Variants in TTN observed in about 807,000 individuals in gnomAD.
TTN encodes connectin.
A neutral mutation model predicts 3,223.0 loss-of-function variants in TTN; 1,525 were observed. That is an observed-to-expected ratio of 0.47 (90% confidence interval 0.45 to 0.49). The LOEUF (loss-of-function observed/expected upper bound fraction) is 0.49, where lower values mean the gene tolerates loss of function less well. TTN is among the 20% of genes least tolerant of loss of function. The probability of loss-of-function intolerance (pLI) is 0.00; values close to 1 mark genes in which losing one functional copy is unlikely to be tolerated. For synonymous variants in TTN, 14,094 were observed against 15,161.0 expected (o/e 0.93, Z 5.17); for missense variants, 40,786 against 43,424.0 (o/e 0.94, Z 5.40).
At chr2:178,768,593 C>T in intron 38 of TTN, 80 bp downstream of exon 38, 1 of 1,591,964 alleles carries the variant, frequency 6.3e-7, no homozygotes, top group Non-Finnish European at 8.6e-7. Context: ...TTTTATTTAT[C>T]CATTCATTAA....
intron 149 of TTN, 51 bp from the exon 150 acceptor site, chr2:178,675,164 G>A: frequency 2.4e-6 from 3 of 1,258,100 alleles, no homozygotes; most frequent in Admixed American, 2.5e-5. Context: ...AACCAAAGAA[G>A]AATAAAGACC....
intron 311 of TTN, 88 bp downstream of exon 311, chr2:178,584,188 C>G: frequency 7.0e-7 from 1 of 1,432,202 alleles, no homozygotes. Context: ...CTCTCTGTGT[C>G]TTGGAGTCCA....
intron 331 of TTN, 56 bp downstream of exon 331, chr2:178,554,809 A>G (rs1700730601): frequency 6.2e-7 from 1 of 1,611,944 alleles, no homozygotes; most frequent in African/African-American, 1.3e-5. Flanking sequence ...TACTTGTTCA[A>G]AATTACTAAG....
In TTN at chr2:178,577,457, C is replaced by T; in HGVS notation, c.68878G>A (p.Ala22960Thr). ...PTIKDGLTIK[A>T]GDTIVLNAIS... ...GCATTCAAAACAATGGTATCCCCTGCTTTAATTGTTAGCCCATCTTTTATT... is the reference window on the plus strand; with the variant it reads ...GCATTCAAAACAATGGTATCCCCTGTTTTAATTGTTAGCCCATCTTTTATT... Residue 22960 changes from alanine to threonine, a missense_variant, in exon 324 of 363, where the codon GCA becomes ACA. Transcript: ENST00000589042. The T allele has an allele frequency of 6.2e-7, 1 of 1,601,600 alleles. No individual in the cohort carries two copies. The highest frequency in any genetic ancestry group is 8.5e-7 in the Non-Finnish European group (1 of 1,171,838).
chr2:178,563,040 T>C lies in TTN; in HGVS notation c.83092A>G (p.Thr27698Ala). ...TCGGGTTCTGGTCGACCTTTGATAG[T>C]GACAAATAAGCGTAAAGTAGCACTT... ...RASATLRLFV[T>A]IKGRPEPEVK... The change falls in exon 326 of 363, where the codon ACT becomes GCT. Residue 27698 changes from threonine (T) to alanine (A), a missense_variant. Physicochemically the swap from Thr to Ala is moderately conservative, Grantham distance 58. Transcript: ENST00000589042. The surrounding 1 kb of genome is among the most constrained non-coding windows in gnomAD (Gnocchi z 4.5). The C allele has an allele frequency of 6.2e-7, 1 of 1,613,644 alleles. No homozygotes were observed. The highest frequency in any genetic ancestry group is 8.5e-7 in the Non-Finnish European group (1 of 1,179,686).
chr2:178,694,535 A>T, intron 117 of TTN, 64 bp downstream of exon 117: 3 of 1,210,304 alleles, frequency 2.5e-6, no homozygotes, highest in South Asian at 1.5e-5. Context: ...CAATATATGT[A>T]CACATGTCCA....
At chr2:178,527,393 A>T in intron 362 of TTN, 53 bp downstream of exon 362, 1 of 1,589,816 alleles carries the variant, frequency 6.3e-7, no homozygotes. Flanking sequence ...TGTACTAAAG[A>T]CTACACCATG....
In TTN at chr2:178,782,990, C is replaced by G; in HGVS notation, c.2916G>C (p.Pro972=). The G allele has an allele frequency of 6.2e-7, 1 of 1,614,106 alleles. No homozygotes were observed. The highest frequency in any genetic ancestry group is 2.2e-5 in the East Asian group (1 of 44,878). ...LECHISGYPS[P]TVTWYREDYQ... is the part of the protein sequence containing the mutation. Reference sequence around the variant, plus strand: ...AGTCTTCCCTGTACCATGTCACTGTCGGGGATGGGTATCCAGAGATGTGGC... The same window carrying G: ...AGTCTTCCCTGTACCATGTCACTGTGGGGGATGGGTATCCAGAGATGTGGC... Residue 972 remains proline (P), a synonymous_variant, in exon 18 of 363, where the codon CCG becomes CCC. Transcript: ENST00000589042.
At position 178,634,729 on chromosome 2, in the gene TTN, C is replaced by A. The variant is rs1206523368; in HGVS notation, c.42145G>T (p.Val14049Leu). The part of the protein sequence containing the change: ...LNAITTAILT[V>L]KEIELDFAVP... ...AATTCTAAAAGCCCCATACCTTTTA[C>A]TGTCAAAATGGCAGTTGTAATTGCA... is the stretch of plus-strand genomic sequence containing the variant. Residue 14049 changes from valine (V) to leucine (L), a missense_variant, in exon 229 of 363, where the codon GTA (valine) becomes TTA (leucine). Val to Leu is a conservative substitution (Grantham distance 32, BLOSUM62 1). Transcript: ENST00000589042. The surrounding 1 kb of genome is among the most constrained non-coding windows in gnomAD (Gnocchi z 4.6). The A allele has an allele frequency of 6.2e-7, 1 of 1,613,114 alleles. No individual in the cohort carries two copies. The highest frequency in any genetic ancestry group is 1.3e-5 in the African/African-American group (1 of 74,974).
At position 178,532,332 on chromosome 2, in the gene TTN, C is replaced by A. The variant is rs1689489588; in HGVS notation, c.104283G>T (p.Arg34761=). ...AQAAYRQPKQ[R]QRIMAEREDE... is the part of the protein sequence containing the mutation. ...CCTCCCTCTCAGCCATGATTCTTTG[C>A]CGTTGCTTTGGCTGTCTGTACGCAG... The change falls in exon 358 of 363, where the codon CGG becomes CGT. Residue 34761 remains arginine (R), a synonymous_variant. Coordinates refer to ENST00000589042, the MANE Select transcript of TTN (RefSeq NM_001267550.2). 6.2e-7 allele frequency: 1 copy of A among 1,613,888 alleles called. No homozygotes were observed. The highest frequency in any genetic ancestry group is 8.5e-7 in the Non-Finnish European group (1 of 1,179,886).
intron 92 of TTN, 164 bp downstream of exon 92, chr2:178,713,733 G>A (rs1214046117): frequency 3.1e-6 from 3 of 977,540 alleles, no homozygotes; most frequent in Non-Finnish European, 4.4e-6. Flanking sequence ...TTTTGAACAT[G>A]GTTTTCTTCT....
chr2:178,563,541 C>A lies in TTN; in HGVS notation c.82591G>T (p.Val27531Leu), dbSNP rs1190495036. Residue 27531 changes from valine (V) to leucine (L), a missense_variant, in exon 326 of 363, where the codon GTA becomes TTA. Physicochemically the swap from Val to Leu is conservative, Grantham distance 32. Coordinates refer to ENST00000589042, the MANE Select transcript of TTN (RefSeq NM_001267550.2). This position sits in a 1 kb window ranked among gnomAD's most constrained non-coding sequence, Gnocchi z 4.5. ...GAATGGCCTTCGGTAAGACCAGTTA[C>A]CCTGAGCCGCAGATCCGTTAATGTT... is the stretch of plus-strand genomic sequence containing the variant. ...KKTLTDLRLR[V>L]TGLTEGHSYE... 1.2e-6 allele frequency: 2 copies of A among 1,613,668 alleles called. No individual in the cohort carries two copies. Among genetic ancestry groups the A allele is most frequent in the Admixed American group, 3.3e-5 (2 of 59,986 alleles).
In TTN at chr2:178,528,807, A is replaced by T; in HGVS notation, c.106944T>A (p.Ser35648=). 1 of 1,613,796 alleles carries T rather than the reference A, an allele frequency of 6.2e-7. No individual in the cohort carries two copies. Among genetic ancestry groups the T allele is most frequent in the Admixed American group, 1.7e-5 (1 of 60,012 alleles). Residue 35648 remains serine (S), a synonymous_variant, in exon 360 of 363, where the codon TCT becomes TCA. Transcript: ENST00000589042. ...WVLNGVELTN[S]EEYRYGVSGS... is the part of the protein sequence containing the mutation. ...CTGAGACACCATATCGGTACTCCTCAGAGTTGGTAAGCTCTACGCCATTCA... is the reference window on the plus strand; with the variant it reads ...CTGAGACACCATATCGGTACTCCTCTGAGTTGGTAAGCTCTACGCCATTCA...
At chr2:178,618,925 T>A in intron 250 of TTN, 72 bp from the exon 251 acceptor site, 1 of 1,535,796 alleles carries the variant, frequency 6.5e-7, no homozygotes, top group Non-Finnish European at 8.7e-7. Flanking sequence ...TTATTATGCA[T>A]TTATTAGAAA....
rs547896195 is a variant in TTN, at chr2:178,669,662, G to T, written c.35400C>A (p.Pro11800=). 2 of 1,612,122 alleles carry T rather than the reference G, an allele frequency of 1.2e-6. No individual in the cohort carries two copies. The highest frequency in any genetic ancestry group is 8.5e-7 in the Non-Finnish European group (1 of 1,179,504). Reference sequence around the variant, plus strand: ...CTTTTTCTTCTGGGACAATTTTCTTGGGTACTTCGGGTGCTTTAAAGATAT... The same window carrying T: ...CTTTTTCTTCTGGGACAATTTTCTTTGGTACTTCGGGTGCTTTAAAGATAT... The part of the protein sequence containing the change: ...RVPPTKAPEV[P]KKIVPEEKVR... The change falls in exon 158 of 363, where the codon CCC becomes CCA. Residue 11800 remains proline, a synonymous_variant. Coordinates refer to ENST00000589042, the MANE Select transcript of TTN (RefSeq NM_001267550.2).
Position 178,745,750 on chromosome 2 carries a change from A to G in TTN, c.11312-3829T>C, listed in dbSNP as rs16866488. On this transcript the variant is annotated intron_variant, in intron 47 of 362. Coordinates refer to ENST00000589042, the MANE Select transcript of TTN (RefSeq NM_001267550.2). ...ACCTTCTTCCTTGGACTAATTTTCC[A>G]TCTTTGTACCAGTAAACCGTGGGTC... 1.7e-3 allele frequency: 2,726 copies of G among 1,612,774 alleles called. 48 individuals are homozygous for G. The African/African-American group carries it at 0.032, about 19-fold the overall frequency.
At position 178,706,525 on chromosome 2, in the gene TTN, A is replaced by C. The variant is rs1183091830; in HGVS notation, c.29349T>G (p.Asn9783Lys). Residue 9783 changes from asparagine to lysine, a missense_variant, in exon 102 of 363, where the codon AAT becomes AAG. Asn to Lys is a moderately conservative substitution (Grantham distance 94). Transcript: ENST00000589042. ...TCCTTTCATCCACCTGTAAGTTAAC[A>C]TTACTTTCAATTTCACCATGTTCGT... ...AFNEHGEIES[N>K]VNLQVDERKK... 6.2e-6 allele frequency: 10 copies of C among 1,613,726 alleles called. No individual in the cohort carries two copies. The highest frequency in any genetic ancestry group is 7.6e-6 in the Non-Finnish European group (9 of 1,179,838).
At chr2:178,651,190 C>T (rs1449490592) in intron 208 of TTN, 53 bp downstream of exon 208, 31 of 1,446,532 alleles carry the variant, frequency 2.1e-5, no homozygotes, top group Non-Finnish European at 2.7e-5. Context: ...TAATAGGTGA[C>T]TTATTAGACA....
chr2:178,681,792 C>T, intron 135 of TTN, 54 bp from the exon 136 acceptor site: 2 of 1,423,954 alleles, frequency 1.4e-6, no homozygotes, highest in Non-Finnish European at 1.9e-6. Context: ...TAAGTTTAAA[C>T]ATTTCTTAAA....
Sources: allele counts gnomAD v4.1 joint callset, GRCh38; gene constraint gnomAD v4.1.1; non-coding constraint Gnocchi (gnomAD v3.1); transcripts MANE v1.5; gene names NCBI Gene and HGNC (gene_info 2026-07-23, HGNC 2026-07-21).